The following TET1 variants were observed in gnomAD, a reference collection of about 807,000 sequenced individuals.
The protein encoded by TET1 is tet methylcytosine dioxygenase 1.
Under a neutral mutation model 148.7 loss-of-function variants are expected in TET1, and 13 were observed. That is an observed-to-expected ratio of 0.09 (90% confidence interval 0.06 to 0.14). The LOEUF is 0.14. TET1 is among the 10% of genes least tolerant of loss of function. TET1 has a pLI of 1.00. For missense variants in TET1, 2,182 were observed against 2,553.8 expected (o/e 0.85, Z 3.14); for synonymous variants, 907 against 937.2 (o/e 0.97, Z 0.59).
chr10:68,594,782 C>T (rs1425537652), intron 2 of TET1, among the ~76,000 whole-genome samples: 1 of 151,968 alleles, frequency 6.6e-6, no homozygotes, highest in Non-Finnish European at 1.5e-5. Context: ...AGTTTAAGAC[C>T]AGCCTGGCCA....
chr10:68,643,822 A>G (rs1564987381), intron 3 of TET1, among the ~76,000 whole-genome samples: 1 of 152,198 alleles, frequency 6.6e-6, no homozygotes, highest in Non-Finnish European at 1.5e-5. Flanking sequence ...GAAAAAAAAT[A>G]AATTATTTAA....
At chr10:68,664,802 G>A (rs1025722695) in intron 6 of TET1, among the ~76,000 whole-genome samples, 1 of 134,324 alleles carries the variant, frequency 7.4e-6, no homozygotes, top group Non-Finnish European at 1.6e-5. Flanking sequence ...TGGCGGGGAT[G>A]GAGTTTCTGT....
intron 3 of TET1, among the ~76,000 whole-genome samples, chr10:68,640,303 G>T (rs540877377): frequency 5.3e-5 from 8 of 150,286 alleles, no homozygotes; most frequent in African/African-American, 1.7e-4. Flanking sequence ...TCACTCTGTC[G>T]CCCAGGCTGG....
rs746929558 is a variant in TET1 at position 68,573,081 on chromosome 10, T to C, written c.743T>C (p.Val248Ala). ...CCAAAAATGTTTGCTCAGGACACAGTGTGTGCTCCTTTTCCCCAAAGAGCA... is the reference window on the plus strand; with the variant it reads ...CCAAAAATGTTTGCTCAGGACACAGCGTGTGCTCCTTTTCCCCAAAGAGCA... The part of the protein sequence containing the change: ...GSPKMFAQDT[V>A]CAPFPQRATP... Residue 248 changes from valine to alanine, a missense_variant, in exon 2 of 12, where the codon GTG becomes GCG. By Grantham distance (64) the Val-to-Ala change is moderately conservative. This residue lies in a region of TET1 where 665 missense variants were observed against 672.4 expected (regional missense o/e 0.99). Coordinates refer to ENST00000373644, the MANE Select transcript of TET1 (RefSeq NM_030625.3). 4.3e-6 allele frequency: 7 copies of C among 1,614,172 alleles called. No individual in the cohort carries two copies. The Admixed American group carries it at 1.0e-4, about 23-fold the overall frequency.
intron 2 of TET1, among the ~76,000 whole-genome samples, chr10:68,580,740 C>T (rs2132812054): frequency 6.9e-6 from 1 of 145,870 alleles, no homozygotes; most frequent in South Asian, 2.2e-4. Flanking sequence ...CAAGATCGCA[C>T]CATTGCACTC....
At chr10:68,677,428 TG>T (rs1478606151) in intron 8 of TET1, among the ~76,000 whole-genome samples, 1 of 152,234 alleles carries the variant, frequency 6.6e-6, no homozygotes, top group Non-Finnish European at 1.5e-5. Flanking sequence ...TATATTGACA[TG>T]GTTAAATTCC....
At chr10:68,617,394 A>G (rs2054309597) in intron 3 of TET1, among the ~76,000 whole-genome samples, 2 of 151,946 alleles carry the variant, frequency 1.3e-5, no homozygotes, top group South Asian at 4.1e-4. Flanking sequence ...TCCCAGCCTC[A>G]AGCGATCCTT....
rs749613934 is a variant in TET1, at chr10:68,682,931, T to C, written c.5010T>C (p.His1670=). The change falls in exon 10 of 12, where the codon CAT becomes CAC. Residue 1670 remains histidine (H), a synonymous_variant. Coordinates refer to ENST00000373644, the MANE Select transcript of TET1 (RefSeq NM_030625.3). ...GVTACLDFCA[H]PHRDIHNMNN... ...CTGCTTGCCTGGACTTCTGTGCTCA[T>C]CCCCACAGGGACATTCACAACATGA... 2 of 1,613,858 alleles carry C rather than the reference T, an allele frequency of 1.2e-6. No individual in the cohort carries two copies. Among genetic ancestry groups the C allele is most frequent in the Admixed American group, 1.7e-5 (1 of 59,946 alleles).
At chr10:68,641,204 T>A (rs1174505717) in intron 3 of TET1, among the ~76,000 whole-genome samples, 1 of 151,946 alleles carries the variant, frequency 6.6e-6, no homozygotes, top group Non-Finnish European at 1.5e-5. Context: ...ACATTTTTAT[T>A]CTTTTTTTTC....
chr10:68,594,460 G>A (rs1326487239), intron 2 of TET1, among the ~76,000 whole-genome samples: 3 of 152,198 alleles, frequency 2.0e-5, no homozygotes, highest in Non-Finnish European at 2.9e-5. Context: ...CAGCAGAACT[G>A]CTGGAAGGAA....
chr10:68,609,763 G>A (rs1412639085), intron 3 of TET1, among the ~76,000 whole-genome samples: 1 of 151,872 alleles, frequency 6.6e-6, no homozygotes, highest in Non-Finnish European at 1.5e-5. Flanking sequence ...GCGTGTGAGA[G>A]CATTTTAAAA....
chr10:68,568,639 A>T (rs2053633352), intron 1 of TET1, among the ~76,000 whole-genome samples: 1 of 152,182 alleles, frequency 6.6e-6, no homozygotes, highest in African/African-American at 2.4e-5. Context: ...AGGCAATCTG[A>T]AAAGACCCGG....
intron 2 of TET1, among the ~76,000 whole-genome samples, chr10:68,592,055 C>T (rs955263351): frequency 2.0e-5 from 3 of 152,130 alleles, no homozygotes; most frequent in East Asian, 1.9e-4. Context: ...TGGTGGCTCA[C>T]GCCTGTAATC....
Position 68,573,390 on chromosome 10 carries a change from C to A in TET1, c.1052C>A (p.Ala351Asp), listed in dbSNP as rs1182248370. 1 of 1,614,158 alleles carries A rather than the reference C, an allele frequency of 6.2e-7. No homozygotes were observed. The highest frequency in any genetic ancestry group is 1.1e-5 in the South Asian group (1 of 91,080). The change falls in exon 2 of 12, where the codon GCT (alanine) becomes GAT (aspartate). Residue 351 changes from alanine to aspartate, a missense_variant. By Grantham distance (126) the Ala-to-Asp change is moderately radical. Around this residue, in one of 11 missense-constraint regions of TET1, gnomAD observed 665 missense variants for 672.4 expected, o/e 0.99. Transcript: ENST00000373644. ...CCAGATCATCAAGAGGCCTTCGAAGCTACTGCAAATCAACAGGAAGTTTCT... is the reference window on the plus strand; with the variant it reads ...CCAGATCATCAAGAGGCCTTCGAAGATACTGCAAATCAACAGGAAGTTTCT... ...AKPDHQEAFE[A>D]TANQQEVSDT...
chr10:68,608,574 A>G (rs2054160428), intron 3 of TET1, among the ~76,000 whole-genome samples: 1 of 148,782 alleles, frequency 6.7e-6, no homozygotes, highest in African/African-American at 2.5e-5. Context: ...TTGGTTTGTC[A>G]CCCAGGCAGG....
intron 2 of TET1, among the ~76,000 whole-genome samples, chr10:68,600,355 G>A (rs2054038572): frequency 6.6e-6 from 1 of 152,126 alleles, no homozygotes; most frequent in Non-Finnish European, 1.5e-5. Flanking sequence ...GGGGATTTGT[G>A]TGCATTGTTT....
intron 3 of TET1, among the ~76,000 whole-genome samples, chr10:68,621,439 C>T (rs1244309730): frequency 2.0e-5 from 3 of 152,066 alleles, no homozygotes; most frequent in Non-Finnish European, 2.9e-5. Context: ...CAAAAATTAA[C>T]TGAGCTTGGT....
chr10:68,571,176 GAC>G (rs2053665796), intron 1 of TET1, among the ~76,000 whole-genome samples: 1 of 151,520 alleles, frequency 6.6e-6, no homozygotes, highest in East Asian at 1.9e-4. Context: ...TTTTAGTAGA[GAC>G]AGGGTTTTGA....
At chr10:68,631,163 C>T (rs78494405) in intron 3 of TET1, among the ~76,000 whole-genome samples, 2,124 of 152,192 alleles carry the variant, frequency 0.014, 50 homozygotes, top group African/African-American at 0.049. Flanking sequence ...GCAATAGTGC[C>T]AAACTTTGTC....
Sources: allele counts gnomAD v4.1 joint callset (sites outside exome capture counted in the v4.1 genomes callset), GRCh38; gene constraint gnomAD v4.1.1; regional missense constraint gnomAD v4.1.1; transcripts MANE v1.5; gene names NCBI Gene and HGNC (gene_info 2026-07-23, HGNC 2026-07-21).